SPATA22: variants seen among roughly 807,000 people sequenced by gnomAD.
SPATA22 encodes spermatogenesis-associated protein 22.
In SPATA22, 29 loss-of-function variants were observed where a neutral mutation model predicts 47.8. The observed-to-expected ratio is 0.61, with a 90% CI of 0.45 to 0.83. SPATA22 has a LOEUF of 0.83. Ranked by LOEUF, SPATA22 falls within the 40% of genes least tolerant of loss-of-function variation. The pLI is 0.00. For synonymous variants in SPATA22, 133 were observed against 140.9 expected, an observed-to-expected ratio of 0.94 and a Z score of 0.40; for missense variants, 410 against 421.7, an observed-to-expected ratio of 0.97 and a Z score of 0.24.
chr17:3,474,927 C>A (rs530409917), upstream of SPATA22, among the ~76,000 whole-genome samples: 22 of 152,284 alleles, frequency 1.4e-4, no homozygotes, highest in South Asian at 8.3e-4. Context: ...CCCTGCAGAA[C>A]CTTAACTGAG....
chr17:3,511,806 T>G (rs2074117162), intron 1 of SPATA22: 1 of 152,232 alleles, frequency 6.6e-6, no homozygotes, highest in African/African-American at 2.4e-5. Context: ...TGGATACGGC[T>G]TTATCCATAA....
rs906418 is a variant in SPATA22 at position 3,513,829 on chromosome 17, C to T, written c.-491G>A. ...TCTAGGCCAGCAGAGCCGGACTCCACCATCCCTCAAAGCCTCTCTGCACAG... is the reference window on the plus strand; with the variant it reads ...TCTAGGCCAGCAGAGCCGGACTCCATCATCCCTCAAAGCCTCTCTGCACAG... On this transcript the variant is annotated 5_prime_UTR_variant, in exon 1 of 9. Coordinates refer to the SPATA22 transcript ENST00000541913. 1 allele frequency: 1,166,070 copies of T among 1,167,046 alleles called. 582,549 individuals are homozygous for T. Among genetic ancestry groups the T allele is most frequent in the South Asian group, 1 (77,573 of 77,578 alleles). The allele number at this position is 1,167,046 out of a possible 1,614,324, so 72.3% of individuals were successfully genotyped here.
At chr17:3,458,132 AAAC>A (rs1405587429) in intron 5 of SPATA22, among the ~76,000 whole-genome samples, 21 of 152,226 alleles carry the variant, frequency 1.4e-4, no homozygotes, top group Non-Finnish European at 1.5e-5. Flanking sequence ...CAGTAACAAA[AAAC>A]AACACAATTT....
At chr17:3,462,626 T>C (rs1172970153) in intron 4 of SPATA22, 48 bp from the exon 5 acceptor site, 2 of 1,591,710 alleles carry the variant, frequency 1.3e-6, no homozygotes, top group Admixed American at 3.3e-5. Context: ...TGCTTTCAAA[T>C]TGAGAAATTA....
chr17:3,512,372 AAAGTCTCTATCT>A (rs2074124761), intron 1 of SPATA22: 1 of 152,204 alleles, frequency 6.6e-6, no homozygotes. Context: ...TCAGGGGCAC[AAAGTCTCTATCT>A]GTCCAGCTAG....
At chr17:3,494,256 G>A (rs1477251572) in intron 1 of SPATA22, 13 of 904,496 alleles carry the variant, frequency 1.4e-5, no homozygotes, top group African/African-American at 9.9e-5. Flanking sequence ...CACCCAACTC[G>A]GCCTCCCAAA....
At chr17:3,497,666 C>G (rs76536053) in intron 1 of SPATA22, among the ~76,000 whole-genome samples, 1 of 152,152 alleles carries the variant, frequency 6.6e-6, no homozygotes, top group Admixed American at 6.5e-5. Context: ...ATGGAGAAAA[C>G]TGCGGTGATG....
chr17:3,482,213 T>C (rs980744079), intron 1 of SPATA22, among the ~76,000 whole-genome samples: 2 of 152,180 alleles, frequency 1.3e-5, no homozygotes, highest in Non-Finnish European at 2.9e-5. Context: ...GGGATCTCAA[T>C]TACAAGGTTT....
intron 1 of SPATA22, among the ~76,000 whole-genome samples, chr17:3,497,121 T>C (rs1169776595): frequency 6.6e-6 from 1 of 152,136 alleles, no homozygotes; most frequent in Non-Finnish European, 1.5e-5. Flanking sequence ...TCTGATCTAA[T>C]TCATCAGGGT....
At chr17:3,462,427 G>A in intron 5 of SPATA22, 56 bp downstream of exon 5, 1 of 1,220,806 alleles carries the variant, frequency 8.2e-7, no homozygotes, top group South Asian at 1.5e-5. Context: ...AGAATGAAGA[G>A]GAAGACAGGA....
chr17:3,472,054 G>A (rs2073450534), upstream of SPATA22: 2 of 179,120 alleles, frequency 1.1e-5, no homozygotes, highest in African/African-American at 4.8e-5. Context: ...TGCCCAACCG[G>A]CCTCAGCCCC....
rs757521743 is a variant in SPATA22 at position 3,449,018 on chromosome 17, T to C, written c.461A>G (p.Gln154Arg). Reference sequence around the variant, plus strand: ...TTCAGGTATTCTTAATTGTTTTTGTTGTTGAGCTCCCGAACTCACTGGACA... The same window carrying C: ...TTCAGGTATTCTTAATTGTTTTTGTCGTTGAGCTCCCGAACTCACTGGACA... The part of the protein sequence containing the change: ...NSCPVSSGAQ[Q>R]QKQLRIPEPP... Residue 154 changes from glutamine to arginine, a missense_variant, in exon 6 of 9, where the codon CAA becomes CGA. By Grantham distance (43) the Gln-to-Arg change is conservative. Transcript: ENST00000572969. 9.9e-6 allele frequency: 16 copies of C among 1,613,954 alleles called. No individual in the cohort carries two copies. In the South Asian group the frequency reaches 1.3e-4, roughly 13 times the overall value.
intron 5 of SPATA22, among the ~76,000 whole-genome samples, chr17:3,457,728 A>G (rs190312680): frequency 6.6e-6 from 1 of 152,314 alleles, no homozygotes; most frequent in Admixed American, 6.5e-5. Flanking sequence ...TGAGAAAAAA[A>G]GTCTCTGCCA....
At chr17:3,440,769 G>A (rs1224571011) in intron 8 of SPATA22, 1 of 152,948 alleles carries the variant, frequency 6.5e-6, no homozygotes, top group Non-Finnish European at 1.5e-5. Flanking sequence ...AAGACAGTGA[G>A]GAATTACAGA....
chr17:3,465,587 T>C (rs1034912511), intron 3 of SPATA22, among the ~76,000 whole-genome samples: 8 of 151,176 alleles, frequency 5.3e-5, no homozygotes, highest in Non-Finnish European at 7.4e-5. Flanking sequence ...GGCAGCATGC[T>C]CGTTAAGAGT....
At chr17:3,492,904 A>C (rs537425681) in intron 1 of SPATA22, among the ~76,000 whole-genome samples, 2 of 152,338 alleles carry the variant, frequency 1.3e-5, no homozygotes, top group South Asian at 4.1e-4. Flanking sequence ...AACCCACAGA[A>C]TCATGAACTA....
intron 1 of SPATA22, among the ~76,000 whole-genome samples, chr17:3,498,642 C>G (rs886962844): frequency 6.6e-6 from 1 of 152,200 alleles, no homozygotes; most frequent in Non-Finnish European, 1.5e-5. Flanking sequence ...GCCACTGCAC[C>G]TGGCTGAAGC....
chr17:3,460,834 C>A (rs2073109787), intron 5 of SPATA22, among the ~76,000 whole-genome samples: 1 of 149,816 alleles, frequency 6.7e-6, no homozygotes. Flanking sequence ...TGTTAAAAGT[C>A]CTCATATCAC....
intron 8 of SPATA22, among the ~76,000 whole-genome samples, chr17:3,442,824 G>T (rs1232930309): frequency 6.6e-6 from 1 of 151,644 alleles, no homozygotes; most frequent in East Asian, 1.9e-4. Flanking sequence ...TCCCTGATCT[G>T]CCCCTTCCTT....
Sources: allele counts gnomAD v4.1 joint callset (sites outside exome capture counted in the v4.1 genomes callset), GRCh38; gene constraint gnomAD v4.1.1; transcripts MANE v1.5; gene names NCBI Gene and HGNC (gene_info 2026-07-23, HGNC 2026-07-21).